CDH13: variants seen among roughly 807,000 people sequenced by gnomAD.
The protein encoded by CDH13 is cadherin-13.
In CDH13, 24 loss-of-function variants were observed where a neutral mutation model predicts 63.8. That is an observed-to-expected ratio of 0.38 (90% confidence interval 0.27 to 0.53). The LOEUF is 0.53. Ranked by LOEUF, CDH13 falls within the 20% of genes least tolerant of loss-of-function variation. CDH13 has a pLI of 0.85. For synonymous variants in CDH13, 503 were observed against 355.3 expected (o/e 1.42, Z -4.67); for missense variants, 1,049 against 903.1 (o/e 1.16, Z -2.07).
chr16:83,230,883 G>A (rs967504113), intron 5 of CDH13, among the ~76,000 whole-genome samples: 1 of 152,230 alleles, frequency 6.6e-6, no homozygotes, highest in Non-Finnish European at 1.5e-5. Flanking sequence ...GGAAATCTGG[G>A]CCCTAAGATA....
At chr16:83,014,128 C>T (rs1914438117) in intron 2 of CDH13, among the ~76,000 whole-genome samples, 1 of 151,972 alleles carries the variant, frequency 6.6e-6, no homozygotes, top group Non-Finnish European at 1.5e-5. Context: ...TCTGACAGAT[C>T]AGGCAATTCA....
chr16:83,040,327 T>C (rs545846953), intron 3 of CDH13, among the ~76,000 whole-genome samples: 4 of 152,248 alleles, frequency 2.6e-5, no homozygotes, highest in Non-Finnish European at 5.9e-5. Context: ...TTGACTCACA[T>C]CATCACAAGG....
At chr16:83,229,531 C>G (rs9925603) in intron 5 of CDH13, among the ~76,000 whole-genome samples, 6,130 of 151,458 alleles carry the variant, frequency 0.04, 429 homozygotes, top group African/African-American at 0.14. Flanking sequence ...TCAGTGGGCT[C>G]TCTCAAAATT....
intron 6 of CDH13, among the ~76,000 whole-genome samples, chr16:83,346,728 GAA>G (rs1288393909): frequency 6.6e-6 from 1 of 152,234 alleles, no homozygotes; most frequent in Non-Finnish European, 1.5e-5. Context: ...ATTTTTTGAA[GAA>G]AGAGTTCTTT....
chr16:83,299,358 C>G (rs778959640), intron 5 of CDH13, among the ~76,000 whole-genome samples: 1 of 151,918 alleles, frequency 6.6e-6, no homozygotes, highest in African/African-American at 2.4e-5. Flanking sequence ...ACAGCACTAC[C>G]TTACCTTAAA....
chr16:82,825,159 G>T (rs2038181786), intron 1 of CDH13: 1 of 152,064 alleles, frequency 6.6e-6, no homozygotes, highest in Admixed American at 6.6e-5. Context: ...TAAAAATTTA[G>T]CCAAAAAAAT....
chr16:83,784,425 A>G (rs1011003434), intron 13 of CDH13, among the ~76,000 whole-genome samples: 1 of 152,180 alleles, frequency 6.6e-6, no homozygotes, highest in Non-Finnish European at 1.5e-5. Context: ...TGAGATCAGG[A>G]GTTCAAGACC....
intron 4 of CDH13, among the ~76,000 whole-genome samples, chr16:83,186,942 C>G (rs1301784501): frequency 6.6e-6 from 1 of 152,040 alleles, no homozygotes; most frequent in South Asian, 2.1e-4. Context: ...AAATTGTAAC[C>G]TATTTTATGA....
intron 7 of CDH13, among the ~76,000 whole-genome samples, chr16:83,506,008 C>T (rs2074386619): frequency 6.6e-6 from 1 of 152,200 alleles, no homozygotes; most frequent in African/African-American, 2.4e-5. Flanking sequence ...TCCAAGTTCA[C>T]ACATTCAGGG....
intron 2 of CDH13, among the ~76,000 whole-genome samples, chr16:82,993,431 C>T (rs980731371): frequency 6.6e-6 from 1 of 152,102 alleles, no homozygotes; most frequent in Non-Finnish European, 1.5e-5. Context: ...AAAGAATGGT[C>T]CAGGGTGAGA....
At chr16:83,719,516 C>T (rs1003347725) in intron 10 of CDH13, among the ~76,000 whole-genome samples, 6 of 152,226 alleles carry the variant, frequency 3.9e-5, no homozygotes, top group African/African-American at 1.2e-4. Context: ...TCTTTTCCAG[C>T]GCCACATTTT....
Position 83,164,704 on chromosome 16 carries a change from G to A in CDH13, c.483+39203G>A, listed in dbSNP as rs7186242. 6.0e-3 allele frequency among the ~76,000 whole-genome samples: 882 copies of A among 146,104 alleles called. 9 individuals are homozygous for A. The highest frequency in any genetic ancestry group is 0.022 in the African/African-American group (839 of 38,030). ...CATTGCACTCTAGGCTGGGTGACAA[G>A]AGCGAGACTCTGTCTCAAAAAAAGA... On this transcript the variant is annotated intron_variant, in intron 4 of 13. Coordinates refer to ENST00000567109, the MANE Select transcript of CDH13 (RefSeq NM_001257.5).
chr16:82,713,916 G>A (rs920167290), intron 1 of CDH13, among the ~76,000 whole-genome samples: 3 of 151,992 alleles, frequency 2.0e-5, no homozygotes, highest in Admixed American at 6.6e-5. Context: ...GGGCCTGGGC[G>A]GGATAAGTAC....
At chr16:82,697,423 CTTTTTTTTTTTTTTT>C (rs34376129) in intron 1 of CDH13, among the ~76,000 whole-genome samples, 2 of 54,882 alleles carry the variant, frequency 3.6e-5, no homozygotes, top group Non-Finnish European at 7.6e-5. Flanking sequence ...TTTCTTTTTT[CTTTTTTTTTTTTTTT>C]TTTTTTTTTG....
Position 83,177,351 on chromosome 16 carries a change from G to C in CDH13, c.484-39994G>C, listed in dbSNP as rs2038169557. Among the ~76,000 whole-genome samples, 10 of 152,308 alleles carry C rather than the reference G, an allele frequency of 6.6e-5. No individual in the cohort carries two copies. The South Asian group carries it at 2.1e-3, about 32-fold the overall frequency. On this transcript the variant is annotated intron_variant, in intron 4 of 13. Transcript: ENST00000567109. ...ACTAATCACCAAATCTCCAATGATAGTCTGATGCCATCCCCAGGTCTGCTA... is the reference window on the plus strand; with the variant it reads ...ACTAATCACCAAATCTCCAATGATACTCTGATGCCATCCCCAGGTCTGCTA...
At chr16:83,586,077 C>G (rs1906126840) in intron 7 of CDH13, among the ~76,000 whole-genome samples, 1 of 152,192 alleles carries the variant, frequency 6.6e-6, no homozygotes, top group Non-Finnish European at 1.5e-5. Context: ...ATACTATTTC[C>G]AACATGTAGT....
chr16:83,157,990 T>A (rs2037283919), intron 4 of CDH13, among the ~76,000 whole-genome samples: 1 of 152,084 alleles, frequency 6.6e-6, no homozygotes, highest in South Asian at 2.1e-4. Flanking sequence ...AAAAGAGCAC[T>A]AGCAGCCCCC....
At chr16:83,707,836 CAA>C (rs61067563) in intron 10 of CDH13, among the ~76,000 whole-genome samples, 174 of 78,856 alleles carry the variant, frequency 2.2e-3, no homozygotes, top group African/African-American at 6.9e-3. Flanking sequence ...ACCCTAAAGG[CAA>C]AAAAAAAAAA....
At position 82,644,368 on chromosome 16, in the gene CDH13, C is replaced by T. The variant is rs926397977; in HGVS notation, c.45+17231C>T. Among the ~76,000 whole-genome samples the T allele has an allele frequency of 6.6e-6, 1 of 152,120 alleles. No individual in the cohort carries two copies. The highest frequency in any genetic ancestry group is 1.5e-5 in the Non-Finnish European group (1 of 68,024). ...GTCTCCCTCTGTGCTCTCCATCACCCCCCTACGGAGTTCCTTTGATTCTCA... is the reference window on the plus strand; with the variant it reads ...GTCTCCCTCTGTGCTCTCCATCACCTCCCTACGGAGTTCCTTTGATTCTCA... On this transcript the variant is annotated intron_variant, in intron 1 of 13. Transcript: ENST00000567109. The surrounding 1 kb of genome is among the most constrained non-coding windows in gnomAD (Gnocchi z 5.7).
Sources: gnomAD v4.1 joint callset for allele counts (sites outside exome capture counted in the v4.1 genomes callset) on GRCh38, gnomAD v4.1.1 for gene constraint, Gnocchi (gnomAD v3.1) non-coding constraint, MANE v1.5 for transcripts, NCBI Gene and HGNC (gene_info 2026-07-23, HGNC 2026-07-21) for gene names.